SOX6: variants seen among roughly 807,000 people sequenced by gnomAD.
The protein encoded by SOX6 is SRY-box transcription factor 6.
In SOX6, 11 loss-of-function variants were observed where a neutral mutation model predicts 97.8. That is an observed-to-expected ratio of 0.11 (90% CI 0.07 to 0.19). The LOEUF (loss-of-function observed/expected upper bound fraction) is 0.19, where lower values mean the gene tolerates loss of function less well. Ranked by LOEUF, SOX6 falls within the 10% of genes least tolerant of loss-of-function variation. The pLI, the probability that SOX6 is intolerant of heterozygous loss-of-function variation, is 1.00. For synonymous variants in SOX6, 360 were observed against 371.4 expected (o/e 0.97, Z 0.35); for missense variants, 810 against 1,039.5 (o/e 0.78, Z 3.04).
At chr11:16,238,407 G>C (rs1202443055) in intron 3 of SOX6, among the ~76,000 whole-genome samples, 1 of 151,946 alleles carries the variant, frequency 6.6e-6, no homozygotes, top group African/African-American at 2.4e-5. Flanking sequence ...TAGGTTTCGG[G>C]CCAGGTAAGT....
At chr11:16,044,772 T>A (rs1325797289) in intron 12 of SOX6, among the ~76,000 whole-genome samples, 1 of 152,146 alleles carries the variant, frequency 6.6e-6, no homozygotes, top group Non-Finnish European at 1.5e-5. Context: ...TCCCTAGTAA[T>A]GAACTTTTCC....
At chr11:16,080,296 A>G (rs1051133136) in intron 9 of SOX6, among the ~76,000 whole-genome samples, 1 of 151,648 alleles carries the variant, frequency 6.6e-6, no homozygotes, top group Admixed American at 6.6e-5. Context: ...AGAAATTTAG[A>G]AAAAATGAGG....
chr11:16,560,598 CATGTATGTTTATACGT>C (rs1847803716), intron 4 of SOX6, among the ~76,000 whole-genome samples: 2 of 111,904 alleles, frequency 1.8e-5, no homozygotes, highest in South Asian at 2.8e-4. Flanking sequence ...TTTATACGTA[CATGTATGTTTATACGT>C]ACATATATGT....
rs564386993 is a variant in SOX6, at chr11:16,658,482, GCAGATCACGAGGT to G, written n.430-46235_430-46223del. On this transcript the variant is annotated intron_variant and non_coding_transcript_variant, in intron 3 of 5. Coordinates refer to the SOX6 transcript ENST00000524520. The stretch of plus-strand genomic sequence containing the variant: ...CCAGCACTTTGGGAGGCCAAGGCAG[GCAGATCACGAGGT>G]CAGAAGATCGAGACCATCCTGGCTA... Among the ~76,000 whole-genome samples the G allele has an allele frequency of 3.9e-3, 600 of 152,238 alleles. 1 individual carries two copies. The highest frequency in any genetic ancestry group is 0.024 in the Middle Eastern group (7 of 294).
intron 1 of SOX6, among the ~76,000 whole-genome samples, chr11:16,386,743 C>T (rs1342434155): frequency 1.3e-5 from 2 of 152,060 alleles, no homozygotes; most frequent in Non-Finnish European, 2.9e-5. Context: ...GTATAGTCAC[C>T]ATCCTTGATC....
At chr11:16,560,318 T>C (rs897516017) in intron 4 of SOX6, among the ~76,000 whole-genome samples, 2 of 152,130 alleles carry the variant, frequency 1.3e-5, no homozygotes, top group African/African-American at 2.4e-5. Context: ...CTAAAGGGCT[T>C]CACGTGTAAT....
intron 4 of SOX6, among the ~76,000 whole-genome samples, chr11:16,206,087 G>A (rs1318637818): frequency 6.6e-6 from 1 of 151,764 alleles, no homozygotes; most frequent in Non-Finnish European, 1.5e-5. Flanking sequence ...GCAAATGTAT[G>A]TATGTTGTAT....
intron 2 of SOX6, among the ~76,000 whole-genome samples, chr11:16,724,233 T>C (rs989169458): frequency 5.3e-5 from 8 of 152,218 alleles, no homozygotes; most frequent in African/African-American, 1.9e-4. Context: ...GTATACCATA[T>C]GTGAATTAAC....
intron 4 of SOX6, among the ~76,000 whole-genome samples, chr11:16,604,017 G>C (rs973294532): frequency 6.6e-6 from 1 of 152,222 alleles, no homozygotes; most frequent in Admixed American, 6.5e-5. Flanking sequence ...AATTATACAT[G>C]TGGCATTTGG....
At chr11:16,650,372 G>T (rs1847629560) in intron 3 of SOX6, among the ~76,000 whole-genome samples, 1 of 151,892 alleles carries the variant, frequency 6.6e-6, no homozygotes, top group South Asian at 2.1e-4. Flanking sequence ...TAGACCAAAT[G>T]ACAGGTCACA....
chr11:16,606,978 C>G, intron 4 of SOX6, among the ~76,000 whole-genome samples: 1 of 152,148 alleles, frequency 6.6e-6, no homozygotes. Context: ...CCCTCCACTC[C>G]CCCTCCGCGT....
chr11:16,202,112 T>TA (rs1851957852), intron 4 of SOX6, among the ~76,000 whole-genome samples: 1 of 152,128 alleles, frequency 6.6e-6, no homozygotes, highest in South Asian at 2.1e-4. Flanking sequence ...AATGCCCATG[T>TA]AAAAAATGAG....
chr11:16,038,159 G>C (rs960872092), intron 12 of SOX6, among the ~76,000 whole-genome samples: 1 of 152,142 alleles, frequency 6.6e-6, no homozygotes, highest in Non-Finnish European at 1.5e-5. Flanking sequence ...GATGTGCCTA[G>C]GTTATATGCA....
chr11:16,678,248 T>G (rs1269985718), intron 3 of SOX6, among the ~76,000 whole-genome samples: 1 of 152,220 alleles, frequency 6.6e-6, no homozygotes, highest in Middle Eastern at 3.2e-3. Context: ...AGTGATGGAT[T>G]TGAGAGTTTT....
chr11:16,624,552 G>C (rs1303603575), intron 3 of SOX6, among the ~76,000 whole-genome samples: 1 of 152,038 alleles, frequency 6.6e-6, no homozygotes, highest in Non-Finnish European at 1.5e-5. Context: ...ATGAACATTT[G>C]AATTGTTTCC....
Position 16,373,898 on chromosome 11 carries a change from A to AGGAAGGGAGGGAGAAGG in SOX6, c.-4-32663_-4-32647dup, listed in dbSNP as rs1158337193. ...AAGGAAGGAAGGAAGGGAGGGAGGG[A>AGGAAGGGAGGGAGAAGG]GGAAGGGAGGGAGAAGGGGAAGGGA... is the stretch of plus-strand genomic sequence containing the variant. On this transcript the variant is annotated intron_variant, in intron 1 of 15. Coordinates refer to the SOX6 transcript ENST00000396356. Among the ~76,000 whole-genome samples the AGGAAGGGAGGGAGAAGG allele has an allele frequency of 8.2e-4, 65 of 79,446 alleles. 1 individual carries two copies. Among genetic ancestry groups the AGGAAGGGAGGGAGAAGG allele is most frequent in the Non-Finnish European group, 1.3e-3 (55 of 41,128 alleles). 52.1% of individuals were successfully genotyped at this position (79,446 alleles called of 152,430 possible).
At chr11:16,603,358 T>C (rs1848294078) in intron 4 of SOX6, among the ~76,000 whole-genome samples, 2 of 152,172 alleles carry the variant, frequency 1.3e-5, no homozygotes, top group Admixed American at 1.3e-4. Flanking sequence ...ACAAGGTACT[T>C]ACTGCTCCTA....
At chr11:16,513,861 G>A (rs1240399410) in intron 4 of SOX6, among the ~76,000 whole-genome samples, 2 of 151,988 alleles carry the variant, frequency 1.3e-5, no homozygotes, top group African/African-American at 4.8e-5. Context: ...AAATCCAATT[G>A]AGTTTTACAT....
intron 2 of SOX6, among the ~76,000 whole-genome samples, chr11:16,719,968 A>C (rs1848247829): frequency 6.6e-6 from 1 of 152,238 alleles, no homozygotes; most frequent in African/African-American, 2.4e-5. Flanking sequence ...ATGGAACATT[A>C]GTAAATTATA....
Sources: gnomAD v4.1 joint callset for allele counts (sites outside exome capture counted in the v4.1 genomes callset) on GRCh38, gnomAD v4.1.1 for gene constraint, MANE v1.5 for transcripts, NCBI Gene and HGNC (gene_info 2026-07-23, HGNC 2026-07-21) for gene names.